LRP1B: variants seen among roughly 807,000 people sequenced by gnomAD.
The protein encoded by LRP1B is low-density lipoprotein receptor-related protein 1B.
LRP1B carries 217 observed loss-of-function variants against 556.6 expected under a neutral mutation model. The observed-to-expected ratio is 0.39, with a 90% CI of 0.35 to 0.44. The LOEUF is 0.44. Among genes scored for constraint, LRP1B ranks in the 20% least tolerant of loss-of-function variants. LRP1B has a pLI of 1.00. For synonymous variants in LRP1B, 2,047 were observed against 1,865.8 expected (o/e 1.10, Z -2.50); for missense variants, 5,053 against 5,620.8 (o/e 0.90, Z 3.23).
At chr2:141,882,208 C>G (rs972376865) in intron 1 of LRP1B, among the ~76,000 whole-genome samples, 1 of 152,118 alleles carries the variant, frequency 6.6e-6, no homozygotes, top group Admixed American at 6.6e-5. Flanking sequence ...GGGTCAGCCA[C>G]CCCCAAAGCC....
At chr2:140,738,340 G>A (rs559276805) in intron 35 of LRP1B, among the ~76,000 whole-genome samples, 4 of 152,162 alleles carry the variant, frequency 2.6e-5, no homozygotes, top group East Asian at 3.9e-4. Flanking sequence ...TGGGTGGGCA[G>A]GGAAGAGGCC....
At chr2:140,296,651 A>G (rs1683614739) in intron 84 of LRP1B, among the ~76,000 whole-genome samples, 2 of 152,226 alleles carry the variant, frequency 1.3e-5, no homozygotes, top group African/African-American at 4.8e-5. Context: ...ATACCCCAAC[A>G]CAGGCTAGAG....
At chr2:140,712,597 A>G (rs1687072314) in intron 37 of LRP1B, among the ~76,000 whole-genome samples, 2 of 151,872 alleles carry the variant, frequency 1.3e-5, no homozygotes, top group South Asian at 4.1e-4. Flanking sequence ...TCCCCATACT[A>G]AGAAAAACCT....
chr2:141,956,234 G>A (rs977440009), intron 1 of LRP1B, among the ~76,000 whole-genome samples: 36 of 152,108 alleles, frequency 2.4e-4, no homozygotes, highest in African/African-American at 7.2e-4. Context: ...AATGAATTCC[G>A]ACAGCTTTAT....
chr2:140,721,197 A>G (rs1176020339), intron 35 of LRP1B, among the ~76,000 whole-genome samples: 1 of 152,080 alleles, frequency 6.6e-6, no homozygotes, highest in Non-Finnish European at 1.5e-5. Context: ...GTATGGTCCA[A>G]TTTTAGCTGT....
chr2:140,259,035 A>G (rs1177506655), intron 86 of LRP1B, among the ~76,000 whole-genome samples: 3 of 152,146 alleles, frequency 2.0e-5, no homozygotes, highest in African/African-American at 7.2e-5. Context: ...CTACTGCTAT[A>G]GAATGAATTT....
rs963472660 is a variant in LRP1B, at chr2:141,295,790, C to CACACACACACACACACACACACAT, written c.344-41150_344-41149insATGTGTGTGTGTGTGTGTGTGTGT. Among the ~76,000 whole-genome samples the CACACACACACACACACACACACAT allele has an allele frequency of 6.4e-5, 9 of 141,308 alleles. No homozygotes were observed. In the East Asian group the frequency reaches 1.8e-3, roughly 28 times the overall value. The allele number at this position is 141,308 out of a possible 152,430, so 92.7% of individuals were successfully genotyped here. ...ACACACACACACACACACACACACA[C>CACACACACACACACACACACACAT]ATAACAGTGGGGCATCTAGCCTCTA... On this transcript the variant is annotated intron_variant, in intron 3 of 90. Transcript: ENST00000389484.
rs1366545196 is a variant in LRP1B at position 141,512,011 on chromosome 2, A to AGGTAAAAT, written c.206-31486_206-31479dup. Among the ~76,000 whole-genome samples, 8 of 152,324 alleles carry AGGTAAAAT rather than the reference A, an allele frequency of 5.3e-5. No homozygotes were observed. The East Asian group carries it at 1.5e-3, about 29-fold the overall frequency. ...TAAACATTTTAGTTAACAAATACAT[A>AGGTAAAAT]GGTAAAATAATAATCACATACAGAA... On this transcript the variant is annotated intron_variant, in intron 2 of 90. Transcript: ENST00000389484.
At chr2:140,574,859 A>G (rs1024822368) in intron 43 of LRP1B, among the ~76,000 whole-genome samples, 1 of 152,216 alleles carries the variant, frequency 6.6e-6, no homozygotes, top group African/African-American at 2.4e-5. Context: ...ATATTTCTCA[A>G]TGAATTCATT....
At chr2:140,931,630 T>C (rs1031726445) in intron 20 of LRP1B, among the ~76,000 whole-genome samples, 1 of 152,064 alleles carries the variant, frequency 6.6e-6, no homozygotes, top group Non-Finnish European at 1.5e-5. Flanking sequence ...ATTCAAAGAG[T>C]AAGTCGAAAC....
chr2:140,569,895 G>A lies in LRP1B; in HGVS notation c.7195-27924C>T, dbSNP rs187977675. On this transcript the variant is annotated intron_variant, in intron 43 of 90. Transcript: ENST00000389484. Reference sequence around the variant, plus strand: ...GAAATCAATTAAAAGAGAAACTCTTGAAAGCACACTGAAATTAAACAACAT... The same window carrying A: ...GAAATCAATTAAAAGAGAAACTCTTAAAAGCACACTGAAATTAAACAACAT... Among the ~76,000 whole-genome samples the A allele has an allele frequency of 2.2e-3, 330 of 151,778 alleles. 2 individuals are homozygous for A. Among genetic ancestry groups the A allele is most frequent in the African/African-American group, 7.6e-3 (316 of 41,510 alleles).
At chr2:141,142,622 C>T (rs1031276530) in intron 7 of LRP1B, among the ~76,000 whole-genome samples, 3 of 152,092 alleles carry the variant, frequency 2.0e-5, no homozygotes, top group Non-Finnish European at 4.4e-5. Context: ...TGAGTTGAGG[C>T]TTCAATGAAC....
chr2:140,836,458 T>A (rs1231052425), intron 31 of LRP1B, among the ~76,000 whole-genome samples: 5 of 152,220 alleles, frequency 3.3e-5, no homozygotes, highest in Non-Finnish European at 5.9e-5. Flanking sequence ...TGCTATACAT[T>A]GTCCCTAATT....
At chr2:140,418,486 A>G (rs1050213974) in intron 66 of LRP1B, among the ~76,000 whole-genome samples, 6 of 152,118 alleles carry the variant, frequency 3.9e-5, no homozygotes, top group Non-Finnish European at 7.3e-5. Context: ...TCAAATCTTC[A>G]TATGTTCTGG....
intron 1 of LRP1B, among the ~76,000 whole-genome samples, chr2:142,103,432 T>G (rs1231115091): frequency 1.3e-5 from 2 of 151,932 alleles, no homozygotes; most frequent in African/African-American, 4.8e-5. Context: ...ATGAGCCTAG[T>G]TTTATAATGG....
chr2:141,767,709 A>C (rs1694771694), intron 2 of LRP1B, among the ~76,000 whole-genome samples: 1 of 152,182 alleles, frequency 6.6e-6, no homozygotes, highest in South Asian at 2.1e-4. Context: ...GTCTGACATT[A>C]AACTCATAGC....
rs1353686320 is a variant in LRP1B at position 140,501,882 on chromosome 2, A to C, written c.8663-8T>G. ...AACTGTTGCATGACTGTTCTGGAAA[A>C]AAAATAAAACAAATGGAACATAAAG... On this transcript the variant is annotated splice_region_variant and splice_polypyrimidine_tract_variant and intron_variant, in intron 54 of 90. Transcript: ENST00000389484. The C allele has an allele frequency of 3.8e-6, 6 of 1,585,160 alleles. No homozygotes were observed. The highest frequency in any genetic ancestry group is 4.3e-6 in the Non-Finnish European group (5 of 1,165,566).
intron 66 of LRP1B, among the ~76,000 whole-genome samples, chr2:140,416,278 G>A (rs1685197985): frequency 6.6e-6 from 1 of 152,148 alleles, no homozygotes; most frequent in Non-Finnish European, 1.5e-5. Context: ...GTGGAGATGA[G>A]GATGATACTA....
intron 2 of LRP1B, among the ~76,000 whole-genome samples, chr2:141,759,371 T>G (rs1211710309): frequency 6.6e-6 from 1 of 152,150 alleles, no homozygotes; most frequent in East Asian, 1.9e-4. Context: ...TGAGATGTGC[T>G]ATTAGAATGC....
Sources: gnomAD v4.1 joint callset for allele counts (sites outside exome capture counted in the v4.1 genomes callset) on GRCh38, gnomAD v4.1.1 for gene constraint, MANE v1.5 for transcripts, NCBI Gene and HGNC (gene_info 2026-07-23, HGNC 2026-07-21) for gene names.